SBF2: variants seen among roughly 807,000 people sequenced by gnomAD.
SBF2 encodes the protein myotubularin-related protein 13.
A neutral mutation model predicts 225.2 loss-of-function variants in SBF2; 112 were observed. The observed-to-expected ratio is 0.50, with a 90% CI of 0.43 to 0.58. SBF2 has a LOEUF of 0.58. Among genes scored for constraint, SBF2 ranks in the 20% least tolerant of loss-of-function variants. The probability of loss-of-function intolerance (pLI) is 0.00; values close to 1 mark genes in which losing one functional copy is unlikely to be tolerated. For missense variants in SBF2, 1,996 were observed against 2,206.2 expected (o/e 0.90, Z 1.91); for synonymous variants, 763 against 773.3 (o/e 0.99, Z 0.22).
intron 28 of SBF2, 142 bp downstream of exon 28, chr11:9,829,214 C>A (rs1855235273): frequency 1.1e-6 from 1 of 910,350 alleles, no homozygotes; most frequent in South Asian, 1.4e-5. Flanking sequence ...AGGAGTTAAA[C>A]TTATAACCCT....
At position 9,858,217 on chromosome 11, in the gene SBF2, C is replaced by A; in HGVS notation, c.2100+9G>T. On this transcript the variant is annotated intron_variant, in intron 18 of 39. Coordinates refer to ENST00000256190, the MANE Select transcript of SBF2 (RefSeq NM_030962.4). ...CCCACACAATTAGAGTTCTTTTCTT[C>A]TCTCTTACCTTTTGCTTCAGATGCG... 6.2e-7 allele frequency: 1 copy of A among 1,614,024 alleles called. No homozygotes were observed. The highest frequency in any genetic ancestry group is 8.5e-7 in the Non-Finnish European group (1 of 1,179,918).
At chr11:9,942,892 AG>A (rs201872404) in intron 16 of SBF2, among the ~76,000 whole-genome samples, 1,946 of 55,346 alleles carry the variant, frequency 0.035, 21 homozygotes, top group Non-Finnish European at 0.053. Context: ...AAGAAAAGAA[AG>A]AGAGAGAGAG....
At chr11:9,875,205 GA>G (rs756462408) in intron 17 of SBF2, among the ~76,000 whole-genome samples, 1 of 152,164 alleles carries the variant, frequency 6.6e-6, no homozygotes, top group Non-Finnish European at 1.5e-5. Context: ...TAGAATTCTA[GA>G]AAATGAGTAA....
chr11:10,193,555 G>A (rs958081993), intron 2 of SBF2, among the ~76,000 whole-genome samples: 20 of 151,784 alleles, frequency 1.3e-4, no homozygotes, highest in Admixed American at 6.6e-4. Flanking sequence ...GCGTTTCACC[G>A]TGTTACCAGG....
At chr11:9,797,786 T>C (rs10770064) in intron 32 of SBF2, among the ~76,000 whole-genome samples, 45,661 of 152,026 alleles carry the variant, frequency 0.3, 7,029 homozygotes, top group Middle Eastern at 0.42. Flanking sequence ...CTGGGCAACA[T>C]AGTGAGACCT....
intron 16 of SBF2, among the ~76,000 whole-genome samples, chr11:9,935,237 C>A (rs1864807067): frequency 6.6e-6 from 1 of 152,026 alleles, no homozygotes; most frequent in Admixed American, 6.6e-5. Flanking sequence ...CCTAGGAATC[C>A]AACTTACAAG....
chr11:10,291,520 G>A (rs761565207), intron 1 of SBF2, among the ~76,000 whole-genome samples: 1 of 152,090 alleles, frequency 6.6e-6, no homozygotes, highest in Non-Finnish European at 1.5e-5. Flanking sequence ...TAATCCGCGA[G>A]CTCCCCTTTC....
chr11:10,168,066 G>A (rs1339396727), intron 2 of SBF2, among the ~76,000 whole-genome samples: 1 of 152,054 alleles, frequency 6.6e-6, no homozygotes, highest in Non-Finnish European at 1.5e-5. Context: ...ACCCATCACT[G>A]TTTTACTGTT....
chr11:10,006,927 T>C (rs1165106611), intron 6 of SBF2, among the ~76,000 whole-genome samples: 3 of 152,160 alleles, frequency 2.0e-5, no homozygotes, highest in South Asian at 2.1e-4. Context: ...ATGCTCCAAG[T>C]TGAGAGTCAC....
At chr11:10,000,284 T>C (rs2134504458) in intron 8 of SBF2, among the ~76,000 whole-genome samples, 1 of 152,300 alleles carries the variant, frequency 6.6e-6, no homozygotes. Flanking sequence ...CCTGAGAAAA[T>C]TTCCTTAGGC....
At chr11:9,989,451 T>C (rs1947331630) in intron 13 of SBF2, 46 bp downstream of exon 13, 3 of 1,229,670 alleles carry the variant, frequency 2.4e-6, no homozygotes, top group Admixed American at 1.8e-5. Flanking sequence ...GAAAAATAAA[T>C]AAATAAATAA....
intron 2 of SBF2, among the ~76,000 whole-genome samples, chr11:10,059,375 A>G (rs541384904): frequency 3.3e-4 from 50 of 152,288 alleles, no homozygotes; most frequent in African/African-American, 1.2e-3. Flanking sequence ...TGAGATAGAA[A>G]AAGTTTCAAA....
In SBF2 at chr11:9,787,694, C is replaced by G. The variant is rs1852464879; in HGVS notation, c.4977G>C (p.Lys1659Asn). 1 of 1,614,120 alleles carries G rather than the reference C, an allele frequency of 6.2e-7. No individual in the cohort carries two copies. Residue 1659 changes from lysine to asparagine, a missense_variant, in exon 36 of 40, where the codon AAG becomes AAC. Lys to Asn is a moderately conservative substitution (Grantham distance 94). Coordinates refer to ENST00000256190, the MANE Select transcript of SBF2 (RefSeq NM_030962.4). ...TTACCCTTTCCCACAGCTGCTGCCA[C>G]TTCTCAGGGGCTTGGTTCAATTTGT... ...LEHKLNQAPEKWQQLWERVTV... is the reference protein window; with the variant it reads ...LEHKLNQAPENWQQLWERVTV...
chr11:10,047,088 A>T (rs946494188), intron 2 of SBF2, among the ~76,000 whole-genome samples: 14 of 152,162 alleles, frequency 9.2e-5, no homozygotes, highest in African/African-American at 3.4e-4. Context: ...AGATCTATAT[A>T]AGGAAAACTA....
intron 1 of SBF2, among the ~76,000 whole-genome samples, chr11:10,211,872 C>G (rs367958234): frequency 6.6e-6 from 1 of 152,160 alleles, no homozygotes; most frequent in South Asian, 2.1e-4. Flanking sequence ...CTAGCAAGTG[C>G]CTGTTTCTAC....
intron 1 of SBF2, among the ~76,000 whole-genome samples, chr11:10,232,505 T>C (rs1958900536): frequency 6.6e-6 from 1 of 152,214 alleles, no homozygotes; most frequent in Non-Finnish European, 1.5e-5. Flanking sequence ...ACCAAAATGT[T>C]AGCAGAATTA....
chr11:10,173,863 G>A (rs889979709), intron 2 of SBF2, among the ~76,000 whole-genome samples: 6 of 151,400 alleles, frequency 4.0e-5, no homozygotes, highest in Admixed American at 2.6e-4. Context: ...CCTGACCCCC[G>A]AGCAGCCTAA....
intron 6 of SBF2, among the ~76,000 whole-genome samples, chr11:10,023,656 T>C (rs1429809773): frequency 6.6e-6 from 1 of 152,218 alleles, no homozygotes; most frequent in African/African-American, 2.4e-5. Flanking sequence ...TTCTTTTACT[T>C]AGCATGTTTC....
rs907183577 is a variant in SBF2 at position 9,855,802 on chromosome 11, A to T, written c.2363+656T>A. 7.9e-5 allele frequency among the ~76,000 whole-genome samples: 12 copies of T among 152,346 alleles called. No individual in the cohort carries two copies. The Middle Eastern group carries it at 0.014, about 173-fold the overall frequency. ...AAGTAACATTTGAGCAGAGACCTAA[A>T]TAAAGTGAGGAAGTGATTCTTGGCC... On this transcript the variant is annotated intron_variant, in intron 19 of 39. Transcript: ENST00000256190.
Sources: gnomAD v4.1 joint callset for allele counts (sites outside exome capture counted in the v4.1 genomes callset) on GRCh38, gnomAD v4.1.1 for gene constraint, MANE v1.5 for transcripts, NCBI Gene and HGNC (gene_info 2026-07-23, HGNC 2026-07-21) for gene names.